ENTREP2: variants seen among roughly 807,000 people sequenced by gnomAD.
The protein encoded by ENTREP2 is protein ENTREP2.
chr15:29,447,564 A>G, the ENTREP2 span, among the ~76,000 whole-genome samples: 1 of 152,004 alleles, frequency 6.6e-6, no homozygotes, highest in African/African-American at 2.4e-5. Flanking sequence ...CTCTGGGCTT[A>G]AGCCATCCTC....
the ENTREP2 span, among the ~76,000 whole-genome samples, chr15:29,357,700 G>A: frequency 1.1e-4 from 16 of 152,158 alleles, no homozygotes; most frequent in East Asian, 1.2e-3. Context: ...TTAGCCGGGC[G>A]TGGTGGCGGG....
At chr15:29,159,264 T>G in the ENTREP2 span, among the ~76,000 whole-genome samples, 1 of 151,974 alleles carries the variant, frequency 6.6e-6, no homozygotes, top group African/African-American at 2.4e-5. Context: ...TAAGGCGGCG[T>G]GTCTGAAGTT....
the ENTREP2 span, among the ~76,000 whole-genome samples, chr15:29,313,833 T>C: frequency 2.2e-4 from 34 of 152,166 alleles, no homozygotes; most frequent in African/African-American, 8.2e-4. Context: ...GTGGAGTAAA[T>C]TGACAACCTT....
chr15:29,203,274 TGCCTGCAGTTCCA>T, the ENTREP2 span, among the ~76,000 whole-genome samples: 1 of 152,106 alleles, frequency 6.6e-6, no homozygotes, highest in Non-Finnish European at 1.5e-5. Context: ...TTTTGGCAGG[TGCCTGCAGTTCCA>T]GCTACTGGGG....
At chr15:29,579,239 TG>T in the ENTREP2 span, among the ~76,000 whole-genome samples, 1 of 152,310 alleles carries the variant, frequency 6.6e-6, no homozygotes, top group South Asian at 2.1e-4. Flanking sequence ...ACACTTTGCT[TG>T]TGGATAAATG....
At chr15:29,493,863 G>A in the ENTREP2 span, among the ~76,000 whole-genome samples, 3 of 151,944 alleles carry the variant, frequency 2.0e-5, no homozygotes, top group South Asian at 4.1e-4. Flanking sequence ...CGTAATCCCA[G>A]GTACTCGGGA....
the ENTREP2 span, among the ~76,000 whole-genome samples, chr15:29,405,762 A>T: frequency 6.6e-6 from 1 of 152,156 alleles, no homozygotes; most frequent in South Asian, 2.1e-4. Context: ...CATGGCACAC[A>T]TGAGAGTGAA....
chr15:29,281,131 G>A, the ENTREP2 span, among the ~76,000 whole-genome samples: 38 of 152,276 alleles, frequency 2.5e-4, no homozygotes, highest in African/African-American at 8.4e-4. Flanking sequence ...TAAAAGCTGT[G>A]TATTGGGAAA....
chr15:29,581,624 G>T, the ENTREP2 span, among the ~76,000 whole-genome samples: 3 of 152,040 alleles, frequency 2.0e-5, no homozygotes, highest in Non-Finnish European at 4.4e-5. Flanking sequence ...TTCATGAATT[G>T]CAAGAGTCAA....
the ENTREP2 span, among the ~76,000 whole-genome samples, chr15:29,387,848 T>C: frequency 6.6e-6 from 1 of 152,106 alleles, no homozygotes; most frequent in Non-Finnish European, 1.5e-5. Flanking sequence ...TTGACAAACC[T>C]GACAAAAACA....
chr15:29,129,306 C>T, the ENTREP2 span, among the ~76,000 whole-genome samples: 5 of 152,148 alleles, frequency 3.3e-5, no homozygotes, highest in African/African-American at 1.2e-4. Flanking sequence ...CTCAGGCGAT[C>T]CGCCTGCTTT....
the ENTREP2 span, among the ~76,000 whole-genome samples, chr15:29,605,003 A>C: frequency 6.6e-6 from 1 of 152,228 alleles, no homozygotes; most frequent in South Asian, 2.1e-4. Context: ...AGGCAGGCTA[A>C]CCTCAAACAC....
the ENTREP2 span, among the ~76,000 whole-genome samples, chr15:29,355,823 G>A: frequency 6.6e-6 from 1 of 152,200 alleles, no homozygotes; most frequent in Admixed American, 6.5e-5. Flanking sequence ...GCTGAAGTCA[G>A]ATAGTAAGCA....
chr15:29,430,539 G>A, the ENTREP2 span, among the ~76,000 whole-genome samples: 114 of 152,162 alleles, frequency 7.5e-4, no homozygotes, highest in African/African-American at 2.0e-3. Flanking sequence ...ACAGCTACTC[G>A]GGAGGCTAAG....
chr15:29,394,862 T>C, the ENTREP2 span, among the ~76,000 whole-genome samples: 1 of 150,058 alleles, frequency 6.7e-6, no homozygotes, highest in East Asian at 2.0e-4. Context: ...TTCATCCATA[T>C]GTAGCATGTG....
the ENTREP2 span, among the ~76,000 whole-genome samples, chr15:29,549,243 G>A: frequency 2.0e-5 from 3 of 151,606 alleles, no homozygotes; most frequent in South Asian, 4.2e-4. Context: ...AATAAAAGGC[G>A]ATTAAAATCT....
At chr15:29,587,138 CGTGTGTGTGTGTGTGT>C in the ENTREP2 span, among the ~76,000 whole-genome samples, 221 of 124,064 alleles carry the variant, frequency 1.8e-3, no homozygotes, top group African/African-American at 5.1e-3. Context: ...TGTAGCTAAC[CGTGTGTGTGTGTGTGT>C]GTGTGTGTGT....
chr15:29,617,873 C>T, the ENTREP2 span, among the ~76,000 whole-genome samples: 2 of 152,200 alleles, frequency 1.3e-5, no homozygotes. Context: ...TCTCAGCCCT[C>T]TCGGGCAGAA....
At chr15:29,223,323 GGA>G in the ENTREP2 span, among the ~76,000 whole-genome samples, 389 of 152,260 alleles carry the variant, frequency 2.6e-3, 1 homozygote, top group African/African-American at 8.7e-3. Flanking sequence ...GTTCTGGGCT[GGA>G]GAGAGTTTGT....
Sources: allele counts gnomAD v4.1 joint callset (sites outside exome capture counted in the v4.1 genomes callset), GRCh38; gene constraint gnomAD v4.1.1; transcripts MANE v1.5; gene names NCBI Gene and HGNC (gene_info 2026-07-23, HGNC 2026-07-21).